Variants in MKLN1 observed in about 807,000 individuals in gnomAD.
The protein encoded by MKLN1 is muskelin 1, also known as muskelin.
In MKLN1, 18 loss-of-function variants were observed where a neutral mutation model predicts 99.0. The ratio of observed to expected loss-of-function variants is 0.18; its 90% CI spans 0.13 to 0.27. MKLN1 has a LOEUF of 0.27. Among genes scored for constraint, MKLN1 ranks in the 10% least tolerant of loss-of-function variants. The pLI is 1.00. For missense variants in MKLN1, 621 were observed against 875.9 expected (o/e 0.71, Z 3.67); for synonymous variants, 288 against 293.2 (o/e 0.98, Z 0.18).
chr7:131,126,753 C>T (rs1795467644), intron 1 of MKLN1, among the ~76,000 whole-genome samples: 1 of 152,182 alleles, frequency 6.6e-6, no homozygotes, highest in African/African-American at 2.4e-5. Flanking sequence ...GGGGTTTCAC[C>T]CTGTTGGCCA....
At chr7:131,277,951 A>C (rs1797998063) in intron 3 of MKLN1, among the ~76,000 whole-genome samples, 1 of 152,174 alleles carries the variant, frequency 6.6e-6, no homozygotes, top group Non-Finnish European at 1.5e-5. Context: ...CAATAGATGT[A>C]AGATCTGCCC....
At chr7:131,296,919 G>T (rs1798298709) in intron 3 of MKLN1, among the ~76,000 whole-genome samples, 1 of 151,926 alleles carries the variant, frequency 6.6e-6, no homozygotes, top group Non-Finnish European at 1.5e-5. Context: ...TTGTATTTTT[G>T]GTAGAGATGG....
chr7:131,426,691 C>T (rs549065883), intron 8 of MKLN1, among the ~76,000 whole-genome samples: 9 of 151,538 alleles, frequency 5.9e-5, no homozygotes, highest in African/African-American at 2.2e-4. Flanking sequence ...GAGTGTTTTT[C>T]ATTTTTATGT....
intron 4 of MKLN1, 87 bp from the exon 5 acceptor site, chr7:131,397,180 A>G: frequency 2.3e-6 from 2 of 857,052 alleles, no homozygotes; most frequent in Non-Finnish European, 3.7e-6. Flanking sequence ...GAATCCTTAT[A>G]AGGTTGAATA....
chr7:131,295,523 CT>C (rs1376047060), intron 3 of MKLN1, among the ~76,000 whole-genome samples: 1 of 148,660 alleles, frequency 6.7e-6, no homozygotes, highest in African/African-American at 2.5e-5. Flanking sequence ...ACTAAAAGAT[CT>C]TACAGTTTTA....
At chr7:131,244,634 T>C (rs552759283) in intron 3 of MKLN1, among the ~76,000 whole-genome samples, 2 of 152,284 alleles carry the variant, frequency 1.3e-5, no homozygotes, top group Non-Finnish European at 2.9e-5. Context: ...AGTAAAGTGG[T>C]TGGCAGACAG....
At chr7:131,446,111 TA>T (rs1796005902) in intron 12 of MKLN1, among the ~76,000 whole-genome samples, 1 of 152,120 alleles carries the variant, frequency 6.6e-6, no homozygotes, top group South Asian at 2.1e-4. Flanking sequence ...AAGCAGAAAA[TA>T]TGTGAATTTC....
At chr7:131,149,629 T>G (rs1795861085) in intron 2 of MKLN1, among the ~76,000 whole-genome samples, 1 of 152,228 alleles carries the variant, frequency 6.6e-6, no homozygotes, top group Admixed American at 6.5e-5. Flanking sequence ...TGAAGGTAAA[T>G]TACTTTTAAA....
chr7:131,445,776 A>C lies in MKLN1; in HGVS notation c.1398A>C (p.Lys466Asn), dbSNP rs1584751613. The C allele has an allele frequency of 6.3e-7, 1 of 1,586,690 alleles. No homozygotes were observed. Among genetic ancestry groups the C allele is most frequent in the African/African-American group, 1.4e-5 (1 of 73,106 alleles). ...TTTTTTTTTTTCTTCTTTTTCAGAA[A>C]AATCGTTGCTTATATGTATTTGGTG... ...RIGHCMLFHSKNRCLYVFGGQ... is the reference protein window; with the variant it reads ...RIGHCMLFHSNNRCLYVFGGQ... The change falls in exon 12 of 18, where the codon AAA becomes AAC. Residue 466 changes from lysine to asparagine, a missense_variant and splice_region_variant. This residue lies in a region of MKLN1 where 361 missense variants were observed against 540.8 expected (regional missense o/e 0.67). Transcript: ENST00000352689.
rs527951370 is a variant in MKLN1, at chr7:131,152,102, CA to C, written c.-297+9162del. Among the ~76,000 whole-genome samples, 391 of 152,256 alleles carry C rather than the reference CA, an allele frequency of 2.6e-3. 4 individuals carry two copies. Among genetic ancestry groups the C allele is most frequent in the African/African-American group, 8.9e-3 (370 of 41,542 alleles). ...CTTTCAGAGGCTGGGGCAGGAGGAT[CA>C]CTTGAGGCCATTAGTTTGAGCCCAG... On this transcript the variant is annotated intron_variant, in intron 2 of 7. Transcript: ENST00000416992.
At chr7:131,293,878 A>T (rs1377086760) in intron 3 of MKLN1, among the ~76,000 whole-genome samples, 2 of 152,178 alleles carry the variant, frequency 1.3e-5, no homozygotes, top group Non-Finnish European at 2.9e-5. Flanking sequence ...GGTTCTTGAT[A>T]GTCTAGAACA....
chr7:131,349,153 A>G (rs923043591), intron 1 of MKLN1, among the ~76,000 whole-genome samples: 4 of 152,104 alleles, frequency 2.6e-5, no homozygotes, highest in Non-Finnish European at 5.9e-5. Flanking sequence ...TTACATATAA[A>G]TGAAGCCTTT....
At position 131,388,984 on chromosome 7, in the gene MKLN1, G is replaced by A; in HGVS notation, c.400+12G>A. 6.4e-7 allele frequency: 1 copy of A among 1,564,776 alleles called. No individual in the cohort carries two copies. Among genetic ancestry groups the A allele is most frequent in the Non-Finnish European group, 8.8e-7 (1 of 1,142,380 alleles). On this transcript the variant is annotated intron_variant, in intron 4 of 17. Coordinates refer to ENST00000352689, the MANE Select transcript of MKLN1 (RefSeq NM_013255.5). ...ATTCATTAAAATAGGTAAGATTTTA[G>A]CATTCTGAAATAGAAACAAATTCTT...
intron 3 of MKLN1, among the ~76,000 whole-genome samples, chr7:131,284,691 G>A (rs1798106656): frequency 6.6e-6 from 1 of 152,202 alleles, no homozygotes; most frequent in African/African-American, 2.4e-5. Flanking sequence ...CTCTCACCAG[G>A]TGTGTGGCTG....
At chr7:131,291,591 T>C (rs577180506) in intron 3 of MKLN1, among the ~76,000 whole-genome samples, 5 of 140,044 alleles carry the variant, frequency 3.6e-5, no homozygotes, top group African/African-American at 1.2e-4. Context: ...TATATATATA[T>C]ATATATATAT....
chr7:131,146,476 C>A (rs1181722402), intron 2 of MKLN1, among the ~76,000 whole-genome samples: 1 of 152,168 alleles, frequency 6.6e-6, no homozygotes, highest in East Asian at 1.9e-4. Context: ...GTGGATGATT[C>A]TATAGTACAT....
upstream of MKLN1, chr7:131,327,147 A>T (rs1798909515): frequency 6.6e-6 from 1 of 152,242 alleles, no homozygotes. Context: ...GGCTACAATT[A>T]TGTCAGTTCA....
intron 2 of MKLN1, among the ~76,000 whole-genome samples, chr7:131,188,657 C>A (rs1048307053): frequency 3.3e-5 from 5 of 152,178 alleles, no homozygotes; most frequent in African/African-American, 4.8e-5. Context: ...AAAAGGCAGG[C>A]CCAGACTCAA....
At position 131,464,589 on chromosome 7, in the gene MKLN1, T is replaced by G. The variant is rs148335674; in HGVS notation, c.1788+181T>G. Among the ~76,000 whole-genome samples, 554 of 152,344 alleles carry G rather than the reference T, an allele frequency of 3.6e-3. 1 individual carries two copies. The highest frequency in any genetic ancestry group is 4.8e-3 in the Non-Finnish European group (326 of 68,026). On this transcript the variant is annotated intron_variant, in intron 14 of 17. Transcript: ENST00000352689. ...CTAAAATTCCTTAAGAGAATAAGCA[T>G]TTTTACGTAGTCTGTAATTCTTGGT...
Sources: allele counts gnomAD v4.1 joint callset (sites outside exome capture counted in the v4.1 genomes callset), GRCh38; gene constraint gnomAD v4.1.1; regional missense constraint gnomAD v4.1.1; transcripts MANE v1.5; gene names NCBI Gene and HGNC (gene_info 2026-07-23, HGNC 2026-07-21).